C17orf67: variants seen among roughly 807,000 people sequenced by gnomAD.
C17orf67 encodes the protein uncharacterized protein C17orf67.
C17orf67 carries 12 observed loss-of-function variants against 11.2 expected under a neutral mutation model. The ratio of observed to expected loss-of-function variants is 1.07; its 90% CI spans 0.68 to 1.73. C17orf67 has a LOEUF of 1.73. C17orf67 is among the 40% of genes most tolerant of loss of function. C17orf67 has a pLI of 0.00. For missense variants in C17orf67, 115 were observed against 113.5 expected (o/e 1.01, Z -0.06); for synonymous variants, 59 against 46.9 (o/e 1.26, Z -1.05).
At chr17:56,802,506 T>C (rs757027383) in intron 6 of C17orf67, among the ~76,000 whole-genome samples, 1 of 152,200 alleles carries the variant, frequency 6.6e-6, no homozygotes, top group African/African-American at 2.4e-5. Context: ...GGTCTAGAGG[T>C]TGTTAACCCT....
At position 56,795,083 on chromosome 17, in the gene C17orf67, T is replaced by G; in HGVS notation, c.254A>C (p.Asn85Thr). The change falls in exon 7 of 8, where the codon AAC becomes ACC. Residue 85 changes from asparagine to threonine, a missense_variant. Transcript: ENST00000397861. Reference sequence around the variant, plus strand: ...ATCCCCTTACACAGGATGAATCCTGTTCCTGTCACAGTGGGGTTTGCAGTG... The same window carrying G: ...ATCCCCTTACACAGGATGAATCCTGGTCCTGTCACAGTGGGGTTTGCAGTG... ...NPHCKPHCDR[N>T]RIHPV The G allele has an allele frequency of 6.2e-7, 1 of 1,614,018 alleles. No homozygotes were observed.
intron 6 of C17orf67, among the ~76,000 whole-genome samples, chr17:56,799,636 T>C (rs770939590): frequency 3.9e-5 from 6 of 152,334 alleles, no homozygotes; most frequent in Non-Finnish European, 8.8e-5. Context: ...CGTCTGGTTT[T>C]GTAAGAAACT....
intron 6 of C17orf67, among the ~76,000 whole-genome samples, chr17:56,802,470 A>G (rs1905346783): frequency 6.6e-6 from 1 of 152,234 alleles, no homozygotes; most frequent in Non-Finnish European, 1.5e-5. Context: ...AGCTCCGGGA[A>G]CCGTCTGCCT....
intron 2 of C17orf67, among the ~76,000 whole-genome samples, chr17:56,830,875 C>G (rs1464902873): frequency 1.3e-5 from 2 of 151,090 alleles, no homozygotes; most frequent in East Asian, 3.8e-4. Flanking sequence ...CGGGAGGGAG[C>G]ACCTGGGCAA....
intron 6 of C17orf67, among the ~76,000 whole-genome samples, chr17:56,809,876 C>A (rs1905561389): frequency 7.1e-6 from 1 of 140,882 alleles, no homozygotes; most frequent in Non-Finnish European, 1.5e-5. Flanking sequence ...CACCTTCACA[C>A]ACCTCTCACA....
chr17:56,827,600 A>G (rs1270501322), intron 2 of C17orf67, among the ~76,000 whole-genome samples: 6 of 152,232 alleles, frequency 3.9e-5, no homozygotes, highest in Non-Finnish European at 5.9e-5. Context: ...CAGTCCCACT[A>G]TTGGCCGTGT....
At chr17:56,818,610 C>T (rs1195075747) in intron 4 of C17orf67, among the ~76,000 whole-genome samples, 1 of 152,030 alleles carries the variant, frequency 6.6e-6, no homozygotes, top group Non-Finnish European at 1.5e-5. Flanking sequence ...ATGCAAACAA[C>T]ATATGTAATT....
chr17:56,800,673 G>A (rs1303985422), intron 6 of C17orf67, among the ~76,000 whole-genome samples: 1 of 152,038 alleles, frequency 6.6e-6, no homozygotes, highest in Non-Finnish European at 1.5e-5. Context: ...GACTTTTCAG[G>A]CCTCAGCTTA....
At chr17:56,796,011 A>C (rs1905207306) in intron 6 of C17orf67, among the ~76,000 whole-genome samples, 1 of 152,242 alleles carries the variant, frequency 6.6e-6, no homozygotes, top group African/African-American at 2.4e-5. Flanking sequence ...TCTTTTTTAA[A>C]AGACAAGGGA....
intron 2 of C17orf67, among the ~76,000 whole-genome samples, chr17:56,827,749 G>A (rs1026810650): frequency 4.6e-5 from 7 of 152,186 alleles, no homozygotes; most frequent in African/African-American, 1.7e-4. Flanking sequence ...AGCCTCCATG[G>A]GAAGACACTG....
chr17:56,809,561 TAC>T (rs1905539869), intron 6 of C17orf67, among the ~76,000 whole-genome samples: 1 of 83,428 alleles, frequency 1.2e-5, no homozygotes, highest in African/African-American at 4.7e-5. Context: ...CCCTCACACA[TAC>T]ACAGCCTCAC....
chr17:56,805,847 T>C (rs1905433573), intron 6 of C17orf67, among the ~76,000 whole-genome samples: 2 of 151,922 alleles, frequency 1.3e-5, no homozygotes, highest in East Asian at 1.9e-4. Flanking sequence ...TATGTTAATA[T>C]TAAGGGAAAA....
chr17:56,819,802 C>T (rs1001853527), intron 4 of C17orf67, among the ~76,000 whole-genome samples: 6 of 152,150 alleles, frequency 3.9e-5, no homozygotes, highest in African/African-American at 1.4e-4. Flanking sequence ...CGAGGTGAGT[C>T]GGCAAGGCTC....
intron 2 of C17orf67, among the ~76,000 whole-genome samples, chr17:56,827,285 T>C (rs1906063823): frequency 6.6e-6 from 1 of 152,192 alleles, no homozygotes; most frequent in South Asian, 2.1e-4. Context: ...AATTTCTCCC[T>C]CTAAGTGATC....
chr17:56,827,462 G>GA (rs1229219179), intron 2 of C17orf67, among the ~76,000 whole-genome samples: 1 of 152,232 alleles, frequency 6.6e-6, no homozygotes, highest in Non-Finnish European at 1.5e-5. Flanking sequence ...TCTTCCCTGA[G>GA]AAAGGAAATC....
chr17:56,828,520 CTTT>C (rs1567801795), intron 2 of C17orf67, among the ~76,000 whole-genome samples: 1 of 152,136 alleles, frequency 6.6e-6, no homozygotes, highest in Non-Finnish European at 1.5e-5. Context: ...TTATTCAAAA[CTTT>C]TTTGATGTTG....
intron 6 of C17orf67, among the ~76,000 whole-genome samples, chr17:56,808,498 A>C (rs1264712405): frequency 2.0e-5 from 3 of 151,812 alleles, no homozygotes; most frequent in South Asian, 2.1e-4. Flanking sequence ...TCTCCCTCTG[A>C]TCTCCCTCTC....
intron 6 of C17orf67, among the ~76,000 whole-genome samples, chr17:56,811,617 G>T (rs1227123034): frequency 6.6e-6 from 1 of 152,158 alleles, no homozygotes; most frequent in South Asian, 2.1e-4. Context: ...CCCAAATCAG[G>T]CTGGGGCACT....
At chr17:56,810,101 C>T (rs1474243730) in intron 6 of C17orf67, among the ~76,000 whole-genome samples, 1 of 108,532 alleles carries the variant, frequency 9.2e-6, no homozygotes, top group Non-Finnish European at 2.2e-5. Context: ...ACCCCTCACA[C>T]TTCTGACACA....
Sources: gnomAD v4.1 joint callset for allele counts (sites outside exome capture counted in the v4.1 genomes callset) on GRCh38, gnomAD v4.1.1 for gene constraint, MANE v1.5 for transcripts, NCBI Gene and HGNC (gene_info 2026-07-23, HGNC 2026-07-21) for gene names.